The following VCAN variants were observed in gnomAD, a reference collection of about 807,000 sequenced individuals.
VCAN encodes versican, also known as versican core protein.
Under a neutral mutation model 245.5 loss-of-function variants are expected in VCAN, and 44 were observed. The ratio of observed to expected loss-of-function variants is 0.18; its 90% confidence interval spans 0.14 to 0.23. VCAN has a LOEUF of 0.23. Among genes scored for constraint, VCAN ranks in the 10% least tolerant of loss-of-function variants. The pLI, the probability that VCAN is intolerant of heterozygous loss-of-function variation, is 1.00. For synonymous variants in VCAN, 1,413 were observed against 1,437.0 expected (o/e 0.98, Z 0.38); for missense variants, 3,793 against 4,057.9 (o/e 0.93, Z 1.77).
chr5:83,521,455 G>A lies in VCAN; in HGVS notation c.3149G>A (p.Ser1050Asn). The change falls in exon 7 of 15, where the codon AGT (serine) becomes AAT (asparagine). Residue 1050 changes from serine to asparagine, a missense_variant. This residue lies in a region of VCAN where 3,182 missense variants were observed against 3,250.3 expected (regional missense o/e 0.98). Transcript: ENST00000265077. Reference sequence around the variant, plus strand: ...GCAGAGAAACCAGTTCCTGCTCTCAGTTCTACAGCTTGGACTCCCAAGGAG... The same window carrying A: ...GCAGAGAAACCAGTTCCTGCTCTCAATTCTACAGCTTGGACTCCCAAGGAG... ...QTAEKPVPALSSTAWTPKEAV... is the reference protein window; with the variant it reads ...QTAEKPVPALNSTAWTPKEAV... 6.2e-7 allele frequency: 1 copy of A among 1,614,134 alleles called. No individual in the cohort carries two copies. Among genetic ancestry groups the A allele is most frequent in the Non-Finnish European group, 8.5e-7 (1 of 1,180,018 alleles).
At position 83,483,484 on chromosome 5, in the gene VCAN, A is replaced by G. The variant is rs1172700232; in HGVS notation, c.-6-29A>G. The G allele has an allele frequency of 1.9e-6, 3 of 1,589,346 alleles. No homozygotes were observed. In the African/African-American group the frequency reaches 4.0e-5, roughly 21 times the overall value. ...CCCACTTTAAACCTGAATGCTTGTG[A>G]TTTACTTTGTGTTTTTCTTCATTTC... On this transcript the variant is annotated intron_variant, in intron 1 of 14. Transcript: ENST00000265077.
At chr5:83,515,466 G>A (rs1745812926) in intron 6 of VCAN, among the ~76,000 whole-genome samples, 1 of 152,128 alleles carries the variant, frequency 6.6e-6, no homozygotes, top group Non-Finnish European at 1.5e-5. Flanking sequence ...ATTTGAATTT[G>A]AACCCATGTT....
chr5:83,511,142 TTCTC>T (rs543875887), intron 5 of VCAN, among the ~76,000 whole-genome samples: 2 of 151,260 alleles, frequency 1.3e-5, no homozygotes, highest in Admixed American at 6.6e-5. Flanking sequence ...GGGGGAGTCT[TTCTC>T]TCTTTTTTTT....
In VCAN at chr5:83,540,884, C is replaced by T. The variant is rs146972107; in HGVS notation, c.7881C>T (p.Val2627=). 46 of 1,613,836 alleles carry T rather than the reference C, an allele frequency of 2.9e-5. No homozygotes were observed. The African/African-American group carries it at 2.9e-4, about 10-fold the overall frequency. The change falls in exon 8 of 15, where the codon GTC becomes GTT. Residue 2627 remains valine (V), a synonymous_variant. Coordinates refer to ENST00000265077, the MANE Select transcript of VCAN (RefSeq NM_004385.5). The stretch of plus-strand genomic sequence containing the variant: ...TTCAAGAGATCTATGAGGCAGCTGT[C>T]AACCTTTCTTTAACTGAGGAAACAT... ...TQVQEIYEAA[V]NLSLTEETFE...
rs1229665198 is a variant in VCAN at position 83,539,796 on chromosome 5, A to C, written c.6793A>C (p.Thr2265Pro). 6.2e-7 allele frequency: 1 copy of C among 1,614,006 alleles called. No individual in the cohort carries two copies. Among genetic ancestry groups the C allele is most frequent in the Admixed American group, 1.7e-5 (1 of 59,986 alleles). The change falls in exon 8 of 15, where the codon ACT (threonine) becomes CCT (proline). Residue 2265 changes from threonine to proline, a missense_variant. Thr to Pro is a conservative substitution (Grantham distance 38, BLOSUM62 -1). Coordinates refer to ENST00000265077, the MANE Select transcript of VCAN (RefSeq NM_004385.5). ...GGGATCAGGAGAAGAAGTTTTACCTACTCTACCAACAGAGTCAGTGAATTT... is the reference window on the plus strand; with the variant it reads ...GGGATCAGGAGAAGAAGTTTTACCTCCTCTACCAACAGAGTCAGTGAATTT... ...GLGSGEEVLP[T>P]LPTESVNFTE...
At chr5:83,483,262 T>C (rs2112342140) in intron 1 of VCAN, among the ~76,000 whole-genome samples, 1 of 152,354 alleles carries the variant, frequency 6.6e-6, no homozygotes. Flanking sequence ...GTTCCCAAAC[T>C]GTATTCTGGA....
At chr5:83,544,864 A>T (rs974671627) in intron 8 of VCAN, 2 of 152,294 alleles carry the variant, frequency 1.3e-5, no homozygotes, top group Non-Finnish European at 2.9e-5. Flanking sequence ...TAAGAAAATT[A>T]TAATAAAAAC....
intron 12 of VCAN, among the ~76,000 whole-genome samples, chr5:83,557,883 A>G (rs555087210): frequency 4.6e-5 from 7 of 152,288 alleles, no homozygotes; most frequent in African/African-American, 1.7e-4. Context: ...AAGAAGACAC[A>G]TGATGAAATG....
intron 12 of VCAN, chr5:83,562,081 CA>C (rs1208783799): frequency 3.9e-5 from 6 of 152,152 alleles, no homozygotes; most frequent in Non-Finnish European, 5.9e-5. Flanking sequence ...GGATGTATGT[CA>C]GCTGTGATGT....
intron 6 of VCAN, among the ~76,000 whole-genome samples, chr5:83,518,908 A>C (rs1201235908): frequency 6.6e-6 from 1 of 152,180 alleles, no homozygotes; most frequent in Non-Finnish European, 1.5e-5. Flanking sequence ...CATGTGGAGA[A>C]AGCTGGAGAC....
chr5:83,574,270 C>T (rs540006506), intron 13 of VCAN, among the ~76,000 whole-genome samples: 76 of 152,290 alleles, frequency 5.0e-4, no homozygotes, highest in African/African-American at 1.7e-3. Flanking sequence ...CACTCTGAGA[C>T]GTGCCCCAAA....
intron 5 of VCAN, among the ~76,000 whole-genome samples, chr5:83,508,144 T>TAG (rs1745536676): frequency 6.6e-6 from 1 of 152,196 alleles, no homozygotes; most frequent in Non-Finnish European, 1.5e-5. Flanking sequence ...GCCTTTGACA[T>TAG]AATCCTGGGA....
chr5:83,512,496 G>C (rs560982960), intron 6 of VCAN, 100 bp downstream of exon 6: 1 of 1,384,478 alleles, frequency 7.2e-7, no homozygotes, highest in East Asian at 2.4e-5. Flanking sequence ...TCCATGTCTT[G>C]CAGTGTGTGC....
At chr5:83,481,040 G>A (rs1157805971) in intron 1 of VCAN, among the ~76,000 whole-genome samples, 1 of 151,956 alleles carries the variant, frequency 6.6e-6, no homozygotes, top group Non-Finnish European at 1.5e-5. Context: ...GAGAGATATA[G>A]TATTTTACCC....
chr5:83,581,667 A>G lies in VCAN; in HGVS notation c.*1233A>G, dbSNP rs1006659644. 1 of 152,202 alleles carries G rather than the reference A, an allele frequency of 6.6e-6. No individual in the cohort carries two copies. The highest frequency in any genetic ancestry group is 2.4e-5 in the African/African-American group (1 of 41,468). The allele number at this position is 152,202 out of a possible 1,614,324, so 9.4% of individuals were successfully genotyped here. On this transcript the variant is annotated 3_prime_UTR_variant, in exon 15 of 15. Coordinates refer to ENST00000265077, the MANE Select transcript of VCAN (RefSeq NM_004385.5). ...AGCTTTTAGCAAAAGGTGTTTGCCC[A>G]TTCTAAGAAATGAGCGAATATATAG...
chr5:83,477,735 A>G (rs942333523), intron 1 of VCAN, among the ~76,000 whole-genome samples: 13 of 152,166 alleles, frequency 8.5e-5, no homozygotes, highest in Non-Finnish European at 1.3e-4. Flanking sequence ...TTGATATTCC[A>G]TGGACTTTTA....
intron 13 of VCAN, among the ~76,000 whole-genome samples, chr5:83,577,792 T>G (rs945864491): frequency 6.6e-6 from 1 of 152,210 alleles, no homozygotes; most frequent in Non-Finnish European, 1.5e-5. Context: ...GACTACACTT[T>G]CCCTCTGCTC....
chr5:83,537,526 A>C lies in VCAN; in HGVS notation c.4523A>C (p.Glu1508Ala), dbSNP rs748834446. 6.8e-6 allele frequency: 11 copies of C among 1,613,940 alleles called. No individual in the cohort carries two copies. Among genetic ancestry groups the C allele is most frequent in the Non-Finnish European group, 9.3e-6 (11 of 1,179,950 alleles). Residue 1508 changes from glutamate to alanine, a missense_variant, in exon 8 of 15, where the codon GAG becomes GCG. Glu to Ala is a moderately radical substitution (Grantham distance 107). This residue lies in a region of VCAN where 3,182 missense variants were observed against 3,250.3 expected (regional missense o/e 0.98). Transcript: ENST00000265077. ...PDVFPTVPFH[E>A]EFESGTAKKG... Reference sequence around the variant, plus strand: ...GTTTTCCCCACAGTCCCATTCCATGAGGAATTTGAAAGTGGAACAGCCAAA... The same window carrying C: ...GTTTTCCCCACAGTCCCATTCCATGCGGAATTTGAAAGTGGAACAGCCAAA...
chr5:83,520,424 G>A lies in VCAN; in HGVS notation c.2118G>A (p.Glu706=). The A allele has an allele frequency of 6.2e-7, 1 of 1,613,772 alleles. No individual in the cohort carries two copies. The highest frequency in any genetic ancestry group is 1.1e-5 in the South Asian group (1 of 91,072). Residue 706 remains glutamate, a synonymous_variant, in exon 7 of 15, where the codon GAG becomes GAA. Coordinates refer to ENST00000265077, the MANE Select transcript of VCAN (RefSeq NM_004385.5). ...TDTYTDEIQE[E]ITKSPFMGKT... ...CTTATACAGATGAAATACAAGAAGA[G>A]ATCACTAAAAGTCCATTTATGGGAA...
Sources: gnomAD v4.1 joint callset for allele counts (sites outside exome capture counted in the v4.1 genomes callset) on GRCh38, gnomAD v4.1.1 for gene constraint, gnomAD v4.1.1 regional missense constraint, MANE v1.5 for transcripts, NCBI Gene and HGNC (gene_info 2026-07-23, HGNC 2026-07-21) for gene names.